Variants in COL10A1 observed in about 807,000 individuals in gnomAD.
COL10A1 encodes the protein collagen type X alpha 1 chain.
Under a neutral mutation model 18.2 loss-of-function variants are expected in COL10A1, and 10 were observed. The observed-to-expected ratio is 0.55, with a 90% CI of 0.34 to 0.93. The LOEUF (loss-of-function observed/expected upper bound fraction) is 0.93. Among genes scored for constraint, COL10A1 ranks in the 40% least tolerant of loss-of-function variants. COL10A1 has a pLI of 0.02. For missense variants in COL10A1, 897 were observed against 853.5 expected (o/e 1.05, Z -0.64); for synonymous variants, 330 against 316.6 (o/e 1.04, Z -0.45).
intron 1 of COL10A1, among the ~76,000 whole-genome samples, chr6:116,153,069 A>G (rs1447442844): frequency 6.6e-6 from 1 of 152,014 alleles, no homozygotes; most frequent in Non-Finnish European, 1.5e-5. Context: ...AGGTAGGCTA[A>G]TATATAACAT....
In COL10A1 at chr6:116,119,927, G is replaced by T. The variant is rs1299644343; in HGVS notation, c.*146C>A. 6.5e-6 allele frequency: 5 copies of T among 769,662 alleles called. No individual in the cohort carries two copies. The East Asian group carries it at 1.2e-4, about 19-fold the overall frequency. 47.7% of individuals were successfully genotyped at this position (769,662 alleles called of 1,614,324 possible). A position where few individuals can be genotyped will look rare whatever the true frequency, so the allele number is the denominator to read the frequency against. ...GTTGCTGCTCACTTTTCAGGGGGAA[G>T]GTTTGTTGGTCTGATAGCTCAAATC... is the stretch of plus-strand genomic sequence containing the variant. On this transcript the variant is annotated 3_prime_UTR_variant, in exon 3 of 3. Coordinates refer to ENST00000651968, the MANE Select transcript of COL10A1 (RefSeq NM_000493.4).
Position 116,120,935 on chromosome 6 carries a change from G to C in COL10A1, c.1181C>G (p.Pro394Arg), listed in dbSNP as rs201458750. Residue 394 changes from proline (P) to arginine (R), a missense_variant, in exon 3 of 3, where the codon CCA becomes CGA. Transcript: ENST00000651968. ...GTTACCCTTAGGACCATCGAGACCT[G>C]GTTTTCCTGGGTACCCTGGTTTTCC... The part of the protein sequence containing the change: ...SDGKPGYPGK[P>R]GLDGPKGNPG... The C allele has an allele frequency of 2.4e-4, 390 of 1,613,952 alleles. 5 individuals carry two copies. In the East Asian group the frequency reaches 8.3e-3, roughly 35 times the overall value.
chr6:116,186,133 A>G, the COL10A1 span, among the ~76,000 whole-genome samples: 2 of 152,084 alleles, frequency 1.3e-5, no homozygotes, highest in African/African-American at 4.8e-5. Context: ...TATGAAGCTT[A>G]GTTTCACTGG....
intron 1 of COL10A1, among the ~76,000 whole-genome samples, chr6:116,148,180 A>G (rs978618747): frequency 4.6e-5 from 7 of 152,148 alleles, no homozygotes; most frequent in African/African-American, 1.7e-4. Flanking sequence ...AACTAGTAAT[A>G]GTGCTTGCAT....
intron 1 of COL10A1, among the ~76,000 whole-genome samples, chr6:116,149,398 A>G (rs958738): frequency 0.51 from 77,631 of 151,986 alleles, 20,940 homozygotes; most frequent in African/African-American, 0.69. Context: ...GTCTTTACCA[A>G]ACTGGCTCTG....
the COL10A1 span, among the ~76,000 whole-genome samples, chr6:116,200,072 T>A: frequency 4.0e-5 from 6 of 151,752 alleles, no homozygotes; most frequent in African/African-American, 1.5e-4. Context: ...CAGGTCAACA[T>A]CAACAGTGAC....
the COL10A1 span, among the ~76,000 whole-genome samples, chr6:116,208,153 T>A: frequency 6.6e-6 from 1 of 152,026 alleles, no homozygotes; most frequent in Non-Finnish European, 1.5e-5. Context: ...TTATTTTTTC[T>A]GATCTCTTTG....
At chr6:116,208,239 C>T in the COL10A1 span, among the ~76,000 whole-genome samples, 1 of 151,976 alleles carries the variant, frequency 6.6e-6, no homozygotes, top group South Asian at 2.1e-4. Context: ...GTCTGCTTTG[C>T]CCGGAGGCAT....
the COL10A1 span, among the ~76,000 whole-genome samples, chr6:116,182,231 G>GTGTGTGTGTGTGTGTGTA: frequency 1.3e-5 from 2 of 151,356 alleles, no homozygotes; most frequent in African/African-American, 4.9e-5. Context: ...GAGTGTGTGT[G>GTGTGTGTGTGTGTGTGTA]TGTGTGTGTG....
chr6:116,194,479 G>A, the COL10A1 span, among the ~76,000 whole-genome samples: 1 of 151,988 alleles, frequency 6.6e-6, no homozygotes, highest in Non-Finnish European at 1.5e-5. Context: ...GTGAGAAGGG[G>A]AGAATCACTA....
At chr6:116,211,395 A>G in the COL10A1 span, among the ~76,000 whole-genome samples, 1 of 152,100 alleles carries the variant, frequency 6.6e-6, no homozygotes. Context: ...AAAAAACCCA[A>G]TACAATGAAT....
At chr6:116,139,699 A>G (rs1490715252) in intron 1 of COL10A1, among the ~76,000 whole-genome samples, 1 of 152,148 alleles carries the variant, frequency 6.6e-6, no homozygotes, top group Non-Finnish European at 1.5e-5. Flanking sequence ...GTTATGAGCT[A>G]TGGTTCTTTA....
At chr6:116,187,265 G>C in the COL10A1 span, among the ~76,000 whole-genome samples, 2 of 152,084 alleles carry the variant, frequency 1.3e-5, no homozygotes, top group African/African-American at 4.8e-5. Flanking sequence ...AGGAAAGGTA[G>C]CAGGGGAGCG....
the COL10A1 span, among the ~76,000 whole-genome samples, chr6:116,171,821 A>G: frequency 1.3e-5 from 2 of 152,206 alleles, no homozygotes; most frequent in Non-Finnish European, 2.9e-5. Flanking sequence ...TAAATGTGCA[A>G]TTTGTAAATT....
chr6:116,154,905 TAAAAA>T (rs1157300366), intron 1 of COL10A1, among the ~76,000 whole-genome samples: 2 of 152,116 alleles, frequency 1.3e-5, no homozygotes, highest in African/African-American at 2.4e-5. Context: ...CTTCATAAGA[TAAAAA>T]TAAAAAACAT....
At chr6:116,204,270 T>TTA in the COL10A1 span, among the ~76,000 whole-genome samples, 1 of 151,994 alleles carries the variant, frequency 6.6e-6, no homozygotes, top group Non-Finnish European at 1.5e-5. Flanking sequence ...ATTTACTCAG[T>TTA]TGAATACAAC....
At chr6:116,174,210 C>T in the COL10A1 span, among the ~76,000 whole-genome samples, 2 of 152,188 alleles carry the variant, frequency 1.3e-5, no homozygotes, top group African/African-American at 4.8e-5. Flanking sequence ...TGTAAAGTTA[C>T]TCTTATTCCC....
Position 116,121,508 on chromosome 6 carries a change from C to G in COL10A1, c.608G>C (p.Gly203Ala), listed in dbSNP as rs754873544. ...YGAPGRPGER[G>A]LPGPQGPTGP... is the part of the protein sequence containing the mutation. ...TGTGGGACCCTGAGGGCCTGGAAGA[C>G]CCCTCTCACCTGGACGACCAGGAGC... The change falls in exon 3 of 3, where the codon GGT becomes GCT. Residue 203 changes from glycine (G) to alanine (A), a missense_variant. Coordinates refer to ENST00000651968, the MANE Select transcript of COL10A1 (RefSeq NM_000493.4). The G allele has an allele frequency of 3.7e-6, 6 of 1,614,198 alleles. No homozygotes were observed. The highest frequency in any genetic ancestry group is 4.2e-6 in the Non-Finnish European group (5 of 1,180,026).
the COL10A1 span, among the ~76,000 whole-genome samples, chr6:116,179,869 G>A: frequency 6.6e-6 from 1 of 152,222 alleles, no homozygotes; most frequent in South Asian, 2.1e-4. Context: ...TTGATGTCAT[G>A]AAAATCACTC....
Sources: gnomAD v4.1 joint callset for allele counts (sites outside exome capture counted in the v4.1 genomes callset) on GRCh38, gnomAD v4.1.1 for gene constraint, MANE v1.5 for transcripts, NCBI Gene and HGNC (gene_info 2026-07-23, HGNC 2026-07-21) for gene names.